The following EIF2AK3 variants were observed in gnomAD, a reference collection of about 807,000 sequenced individuals.
The protein encoded by EIF2AK3 is eukaryotic translation initiation factor 2-alpha kinase 3.
A neutral mutation model predicts 113.5 loss-of-function variants in EIF2AK3; 50 were observed. The ratio of observed to expected loss-of-function variants is 0.44; its 90% confidence interval spans 0.35 to 0.56. The LOEUF is 0.56. EIF2AK3 is among the 20% of genes least tolerant of loss of function. The pLI is 0.00. For missense variants in EIF2AK3, 1,185 were observed against 1,378.0 expected, an observed-to-expected ratio of 0.86 and a Z score of 2.22; for synonymous variants, 448 against 495.4, an observed-to-expected ratio of 0.90 and a Z score of 1.27.
intron 6 of EIF2AK3, among the ~76,000 whole-genome samples, chr2:88,589,905 T>C (rs1468164629): frequency 1.3e-5 from 2 of 152,068 alleles, no homozygotes; most frequent in Non-Finnish European, 2.9e-5. Flanking sequence ...CTTTCTAATA[T>C]AGACCTCAGA....
chr2:88,610,715 G>A (rs1675433375), intron 2 of EIF2AK3, among the ~76,000 whole-genome samples: 1 of 152,128 alleles, frequency 6.6e-6, no homozygotes, highest in Non-Finnish European at 1.5e-5. Flanking sequence ...TTACGTTATT[G>A]TGGAGTGGGT....
intron 13 of EIF2AK3, among the ~76,000 whole-genome samples, chr2:88,571,350 C>G (rs546384266): frequency 6.6e-6 from 1 of 152,256 alleles, no homozygotes; most frequent in East Asian, 1.9e-4. Flanking sequence ...ATATATTCTT[C>G]CCAGGCAAGC....
At chr2:88,558,209 C>A (rs1573378573) in intron 16 of EIF2AK3, among the ~76,000 whole-genome samples, 1 of 152,204 alleles carries the variant, frequency 6.6e-6, no homozygotes. Flanking sequence ...CACTAGTTTG[C>A]CAACCCTCAT....
At chr2:88,559,657 CTT>C (rs1194977640) in intron 15 of EIF2AK3, among the ~76,000 whole-genome samples, 1 of 151,860 alleles carries the variant, frequency 6.6e-6, no homozygotes, top group Non-Finnish European at 1.5e-5. Flanking sequence ...TATTGGAAAT[CTT>C]TGTTTCTATG....
At chr2:88,608,852 T>A (rs916613126) in intron 2 of EIF2AK3, among the ~76,000 whole-genome samples, 3 of 150,810 alleles carry the variant, frequency 2.0e-5, no homozygotes, top group African/African-American at 7.3e-5. Context: ...GAACTACAGG[T>A]GCATGTCACC....
intron 11 of EIF2AK3, among the ~76,000 whole-genome samples, chr2:88,578,351 C>A (rs1674513884): frequency 6.6e-6 from 1 of 152,096 alleles, no homozygotes; most frequent in African/African-American, 2.4e-5. Context: ...AGTTCGAGAC[C>A]AGCCTGGCCA....
At chr2:88,558,828 TAA>T (rs1673857430) in intron 16 of EIF2AK3, 87 bp downstream of exon 16, 1 of 1,100,400 alleles carries the variant, frequency 9.1e-7, no homozygotes, top group Non-Finnish European at 1.3e-6. Context: ...TCCTCATCTG[TAA>T]AATAGGGGAA....
chr2:88,565,493 C>T (rs1426952217), intron 14 of EIF2AK3, among the ~76,000 whole-genome samples: 1 of 151,928 alleles, frequency 6.6e-6, no homozygotes, highest in African/African-American at 2.4e-5. Context: ...AGGCATACAC[C>T]ACCATGCCCA....
chr2:88,593,878 TATGATCCAAACTA>T, intron 3 of EIF2AK3: 3 of 1,002,334 alleles, frequency 3.0e-6, no homozygotes, highest in Non-Finnish European at 3.6e-6. Flanking sequence ...GAAGAGTTAA[TATGATCCAAACTA>T]AAATCCTCAC....
In EIF2AK3 at chr2:88,627,018, T is replaced by G; in HGVS notation, c.257A>C (p.Glu86Ala). The change falls in exon 1 of 17, where the codon GAG becomes GCG. Residue 86 changes from glutamate to alanine, a missense_variant. Transcript: ENST00000303236. ...EALPAAAGEQ[E>A]PRGPEPDDET... ...ATCGTCTGGTTCCGGACCCCGAGGCTCCTGCTCTCCCGCGGCTGCCGGCAG... is the reference window on the plus strand; with the variant it reads ...ATCGTCTGGTTCCGGACCCCGAGGCGCCTGCTCTCCCGCGGCTGCCGGCAG... 6.2e-7 allele frequency: 1 copy of G among 1,606,706 alleles called. No individual in the cohort carries two copies.
chr2:88,577,939 T>C (rs1674504039), intron 11 of EIF2AK3, among the ~76,000 whole-genome samples: 1 of 152,198 alleles, frequency 6.6e-6, no homozygotes, highest in South Asian at 2.1e-4. Flanking sequence ...CTCTTCTTCA[T>C]GAGAAGCTAT....
intron 1 of EIF2AK3, among the ~76,000 whole-genome samples, chr2:88,626,424 C>T (rs1031554396): frequency 2.6e-5 from 4 of 152,130 alleles, no homozygotes; most frequent in Non-Finnish European, 5.9e-5. Flanking sequence ...GGGGTAGGGC[C>T]TAGAAAACTG....
intron 1 of EIF2AK3, among the ~76,000 whole-genome samples, chr2:88,618,204 CAG>C (rs1442106348): frequency 6.6e-6 from 1 of 152,056 alleles, no homozygotes; most frequent in Admixed American, 6.5e-5. Context: ...GAAACATAAA[CAG>C]AGATAAAAAG....
chr2:88,591,021 G>A lies in EIF2AK3; in HGVS notation c.799C>T (p.Arg267Trp), dbSNP rs770587950. The A allele has an allele frequency of 1.9e-6, 3 of 1,613,892 alleles. No homozygotes were observed. Among genetic ancestry groups the A allele is most frequent in the South Asian group, 2.2e-5 (2 of 91,076 alleles). ...WNFSVGHFELRYIPDMETRAG... is the reference protein window; with the variant it reads ...WNFSVGHFELWYIPDMETRAG... The stretch of plus-strand genomic sequence containing the variant: ...CTCGTTTCCATGTCTGGAATATACC[G>A]AAGTTCAAAGTGGCCAACACTGAAA... Residue 267 changes from arginine (R) to tryptophan (W), a missense_variant, in exon 5 of 17, where the codon CGG (arginine) becomes TGG (tryptophan). Transcript: ENST00000303236.
At chr2:88,562,086 T>C (rs545605144) in intron 15 of EIF2AK3, among the ~76,000 whole-genome samples, 1 of 152,316 alleles carries the variant, frequency 6.6e-6, no homozygotes, top group East Asian at 1.9e-4. Context: ...ACAAACAATC[T>C]AACCAAACAA....
At chr2:88,565,251 G>T (rs1348984633) in intron 14 of EIF2AK3, among the ~76,000 whole-genome samples, 1 of 151,736 alleles carries the variant, frequency 6.6e-6, no homozygotes, top group Admixed American at 6.6e-5. Context: ...GGCCAGGCTG[G>T]TCTCGAACTC....
At chr2:88,585,314 G>T (rs1674693035) in intron 9 of EIF2AK3, among the ~76,000 whole-genome samples, 1 of 151,912 alleles carries the variant, frequency 6.6e-6, no homozygotes, top group Non-Finnish European at 1.5e-5. Flanking sequence ...AGAACAGGCT[G>T]GGGAGGGGAG....
At position 88,585,959 on chromosome 2, in the gene EIF2AK3, C is replaced by T. The variant is rs1188393423; in HGVS notation, c.1532G>A (p.Arg511His). ...TAAAAGAAGAACAGGATCCTTTTTG[C>T]GGATATTCTTGTTGTAATGTGGGTT... The part of the protein sequence containing the change: ...LDNPHYNKNI[R>H]KKDPVLLLHW... Residue 511 changes from arginine to histidine, a missense_variant, in exon 9 of 17, where the codon CGC (arginine) becomes CAC (histidine). Physicochemically the swap from Arg to His is conservative, Grantham distance 29. This residue lies in a region of EIF2AK3 where 877 missense variants were observed against 1,024.2 expected (regional missense o/e 0.86). Coordinates refer to ENST00000303236, the MANE Select transcript of EIF2AK3 (RefSeq NM_004836.7). 7 of 1,614,028 alleles carry T rather than the reference C, an allele frequency of 4.3e-6. No individual in the cohort carries two copies. In the South Asian group the frequency reaches 4.4e-5, roughly 10 times the overall value.
intron 15 of EIF2AK3, among the ~76,000 whole-genome samples, chr2:88,561,471 C>T (rs1378716670): frequency 6.6e-6 from 1 of 151,946 alleles, no homozygotes; most frequent in Non-Finnish European, 1.5e-5. Context: ...CCGTGTTAGC[C>T]AGGATGATCT....
Sources: gnomAD v4.1 joint callset for allele counts (sites outside exome capture counted in the v4.1 genomes callset) on GRCh38, gnomAD v4.1.1 for gene constraint, gnomAD v4.1.1 regional missense constraint, MANE v1.5 for transcripts, NCBI Gene and HGNC (gene_info 2026-07-23, HGNC 2026-07-21) for gene names.